TMTC1: variants seen among roughly 807,000 people sequenced by gnomAD.
The protein encoded by TMTC1 is transmembrane O-mannosyltransferase targeting cadherins 1, also known as protein O-mannosyl-transferase TMTC1.
TMTC1 carries 73 observed loss-of-function variants against 104.8 expected under a neutral mutation model. That is an observed-to-expected ratio of 0.70 (90% confidence interval 0.58 to 0.85). The LOEUF (loss-of-function observed/expected upper bound fraction) is 0.85, where lower values mean the gene tolerates loss of function less well. TMTC1 is among the 40% of genes least tolerant of loss of function. TMTC1 has a pLI of 0.00. For missense variants in TMTC1, 1,035 were observed against 1,096.1 expected (o/e 0.94, Z 0.79); for synonymous variants, 434 against 428.7 (o/e 1.01, Z -0.15).
intron 10 of TMTC1, among the ~76,000 whole-genome samples, chr12:29,553,736 T>A (rs12824107): frequency 7.9e-5 from 12 of 152,202 alleles, no homozygotes; most frequent in Non-Finnish European, 7.3e-5. Flanking sequence ...AAAGTAGCCA[T>A]TGCCAAGTTC....
intron 5 of TMTC1, among the ~76,000 whole-genome samples, chr12:29,647,612 C>T (rs945027789): frequency 1.3e-5 from 2 of 152,068 alleles, no homozygotes; most frequent in South Asian, 2.1e-4. Flanking sequence ...TTCTTTAGAA[C>T]GTGGAAGATG....
intron 1 of TMTC1, among the ~76,000 whole-genome samples, chr12:29,769,242 T>C (rs774685044): frequency 1.1e-4 from 16 of 152,224 alleles, no homozygotes; most frequent in Middle Eastern, 3.2e-3. Flanking sequence ...GCAAATGTCA[T>C]AGTTACTAAT....
chr12:29,524,370 A>C (rs3910440), intron 11 of TMTC1, among the ~76,000 whole-genome samples: 7 of 151,976 alleles, frequency 4.6e-5, no homozygotes, highest in Non-Finnish European at 8.8e-5. Context: ...TCTCTGTAAT[A>C]GTCAATGCAT....
chr12:29,701,889 G>T (rs550708840), intron 5 of TMTC1, among the ~76,000 whole-genome samples: 1 of 152,086 alleles, frequency 6.6e-6, no homozygotes, highest in African/African-American at 2.4e-5. Flanking sequence ...AATAAGGTAA[G>T]GTAGGTCCAT....
At chr12:29,650,444 C>A (rs149749603) in intron 5 of TMTC1, among the ~76,000 whole-genome samples, 1 of 152,100 alleles carries the variant, frequency 6.6e-6, no homozygotes, top group Non-Finnish European at 1.5e-5. Flanking sequence ...TGAGGTGAGA[C>A]ACCCGGGCCT....
intron 9 of TMTC1, among the ~76,000 whole-genome samples, chr12:29,563,858 C>T (rs1021927162): frequency 6.6e-6 from 1 of 152,154 alleles, no homozygotes; most frequent in African/African-American, 2.4e-5. Context: ...GGAAAACCAA[C>T]GGACTCTAAT....
At chr12:29,573,782 C>G (rs544071473) in intron 8 of TMTC1, among the ~76,000 whole-genome samples, 1 of 151,946 alleles carries the variant, frequency 6.6e-6, no homozygotes, top group African/African-American at 2.4e-5. Flanking sequence ...TAAGTCTTAG[C>G]GTGGAGAGAG....
At chr12:29,600,373 T>C (rs1290081316) in intron 7 of TMTC1, among the ~76,000 whole-genome samples, 1 of 152,060 alleles carries the variant, frequency 6.6e-6, no homozygotes, top group African/African-American at 2.4e-5. Flanking sequence ...AAGAAAACTG[T>C]CAATATTTAT....
At chr12:29,781,284 G>C (rs1318458190) in intron 1 of TMTC1, among the ~76,000 whole-genome samples, 4 of 152,188 alleles carry the variant, frequency 2.6e-5, no homozygotes, top group Non-Finnish European at 4.4e-5. Context: ...CTCAAAAAAA[G>C]AGTGTATCTT....
intron 10 of TMTC1, among the ~76,000 whole-genome samples, chr12:29,548,570 A>G (rs1258253256): frequency 2.6e-5 from 4 of 152,070 alleles, no homozygotes; most frequent in Non-Finnish European, 4.4e-5. Flanking sequence ...GCCTGCTGCC[A>G]TGTAAGATGT....
At chr12:29,604,702 T>TATAATTATAATTA (rs1946652474) in intron 6 of TMTC1, among the ~76,000 whole-genome samples, 1 of 152,218 alleles carries the variant, frequency 6.6e-6, no homozygotes, top group Admixed American at 6.5e-5. Flanking sequence ...TGCAGAGAAT[T>TATAATTATAATTA]TAATTATATC....
intron 4 of TMTC1, among the ~76,000 whole-genome samples, chr12:29,753,300 G>C (rs997125750): frequency 6.6e-6 from 1 of 152,126 alleles, no homozygotes. Context: ...AAGAGTCCAC[G>C]ACCCCCCAGA....
intron 5 of TMTC1, among the ~76,000 whole-genome samples, chr12:29,637,105 C>A (rs1391289356): frequency 2.0e-5 from 3 of 151,642 alleles, no homozygotes; most frequent in South Asian, 2.1e-4. Flanking sequence ...CACACACACA[C>A]ACACACACAC....
chr12:29,669,179 T>C (rs1940406439), intron 5 of TMTC1, among the ~76,000 whole-genome samples: 1 of 151,984 alleles, frequency 6.6e-6, no homozygotes, highest in African/African-American at 2.4e-5. Context: ...AGATAGAATA[T>C]GATATATATA....
chr12:29,761,828 C>T (rs1234265985), intron 2 of TMTC1, among the ~76,000 whole-genome samples: 2 of 152,180 alleles, frequency 1.3e-5, no homozygotes, highest in East Asian at 3.9e-4. Context: ...GGGAAATATA[C>T]CTATAAGCAT....
intron 6 of TMTC1, among the ~76,000 whole-genome samples, chr12:29,620,120 T>C (rs943770366): frequency 6.6e-5 from 10 of 152,246 alleles, no homozygotes; most frequent in African/African-American, 2.4e-4. Context: ...TCCCTCATTG[T>C]ACTCCTGGGT....
chr12:29,507,082 T>C (rs1423109137), intron 17 of TMTC1, 96 bp from the exon 18 acceptor site: 2 of 1,010,034 alleles, frequency 2.0e-6, no homozygotes, highest in African/African-American at 1.6e-5. Flanking sequence ...TGCCCAGTTT[T>C]ACATTAATGT....
intron 5 of TMTC1, among the ~76,000 whole-genome samples, chr12:29,697,859 T>C (rs1346675561): frequency 6.6e-6 from 1 of 152,168 alleles, no homozygotes; most frequent in African/African-American, 2.4e-5. Flanking sequence ...CAAAATTCAC[T>C]GAGTTAAAAG....
chr12:29,681,953 T>A (rs958020856), intron 5 of TMTC1, among the ~76,000 whole-genome samples: 1 of 152,182 alleles, frequency 6.6e-6, no homozygotes, highest in Admixed American at 6.5e-5. Flanking sequence ...ATTTTAAAAA[T>A]TGTGTATATG....
Sources: gnomAD v4.1 joint callset for allele counts (sites outside exome capture counted in the v4.1 genomes callset) on GRCh38, gnomAD v4.1.1 for gene constraint, MANE v1.5 for transcripts, NCBI Gene and HGNC (gene_info 2026-07-23, HGNC 2026-07-21) for gene names.